Variants in CDYL observed in about 807,000 individuals in gnomAD.
CDYL encodes the protein chromodomain Y-like protein.
In CDYL, 8 loss-of-function variants were observed where a neutral mutation model predicts 47.3. The ratio of observed to expected loss-of-function variants is 0.17; its 90% confidence interval spans 0.10 to 0.31. The LOEUF is 0.31. Ranked by LOEUF, CDYL falls within the 10% of genes least tolerant of loss-of-function variation. The pLI is 1.00. For synonymous variants in CDYL, 266 were observed against 265.0 expected (o/e 1.00, Z -0.04); for missense variants, 471 against 701.4 (o/e 0.67, Z 3.71).
intron 2 of CDYL, among the ~76,000 whole-genome samples, chr6:4,916,560 A>G (rs1757561326): frequency 6.6e-6 from 1 of 152,110 alleles, no homozygotes; most frequent in African/African-American, 2.4e-5. Context: ...CTGAAAATTA[A>G]TTGAAAGGCC....
At chr6:4,836,915 G>C (rs151099842) in intron 1 of CDYL, among the ~76,000 whole-genome samples, 1 of 152,194 alleles carries the variant, frequency 6.6e-6, no homozygotes, top group East Asian at 1.9e-4. Context: ...AATTATGTGA[G>C]TGCCCTGGAA....
intron 2 of CDYL, among the ~76,000 whole-genome samples, chr6:4,932,772 G>GT (rs1477163775): frequency 2.0e-5 from 3 of 152,154 alleles, no homozygotes; most frequent in African/African-American, 7.2e-5. Flanking sequence ...ATTGTTTCTG[G>GT]TGTGGTCTCT....
intron 2 of CDYL, chr6:4,715,897 A>C (rs938837764): frequency 3.1e-6 from 5 of 1,611,184 alleles, no homozygotes; most frequent in Non-Finnish European, 4.2e-6. Flanking sequence ...AACTTGCAGG[A>C]ATCAAATTAG....
At chr6:4,836,428 T>C in intron 1 of CDYL, 1 of 232,858 alleles carries the variant, frequency 4.3e-6, no homozygotes, top group Non-Finnish European at 7.0e-6. Flanking sequence ...TTTATTTTTT[T>C]CCTTTCCCTT....
intron 1 of CDYL, among the ~76,000 whole-genome samples, chr6:4,786,645 C>A: frequency 6.6e-6 from 1 of 152,134 alleles, no homozygotes; most frequent in East Asian, 1.9e-4. Flanking sequence ...TCTCGAGTCT[C>A]GCTGTTTATT....
intron 2 of CDYL, among the ~76,000 whole-genome samples, chr6:4,933,262 C>T (rs2127518088): frequency 6.6e-6 from 1 of 152,092 alleles, no homozygotes. Context: ...CCCTGACTTC[C>T]CTCCCCTGAT....
At chr6:4,878,638 A>G (rs1761681057) in intron 1 of CDYL, among the ~76,000 whole-genome samples, 1 of 151,934 alleles carries the variant, frequency 6.6e-6, no homozygotes. Context: ...TTATTCTCTT[A>G]TATTTCGATA....
chr6:4,792,716 A>G (rs1376206844), intron 1 of CDYL, among the ~76,000 whole-genome samples: 1 of 152,112 alleles, frequency 6.6e-6, no homozygotes, highest in African/African-American at 2.4e-5. Flanking sequence ...GATTACAGGC[A>G]TGAGCCACCG....
chr6:4,789,135 G>C (rs1758847078), intron 1 of CDYL, among the ~76,000 whole-genome samples: 1 of 152,178 alleles, frequency 6.6e-6, no homozygotes, highest in African/African-American at 2.4e-5. Context: ...GAGTGCAGGG[G>C]CATGATCTCT....
intron 1 of CDYL, among the ~76,000 whole-genome samples, chr6:4,860,229 A>T (rs1396568381): frequency 6.6e-6 from 1 of 152,078 alleles, no homozygotes; most frequent in African/African-American, 2.4e-5. Context: ...GAACAAGTTT[A>T]TACTTCCAGC....
At position 4,953,963 on chromosome 6, in the gene CDYL, G is replaced by A. The variant is rs1431406167; in HGVS notation, c.1542G>A (p.Glu514=). The stretch of plus-strand genomic sequence containing the variant: ...AGATGGAGCTGGAGCAGGCCAACGA[G>A]AGGGAGTGTGAGGTGCTGAAGAAAA... ...NMKMELEQAN[E]RECEVLKKIW... is the part of the protein sequence containing the mutation. Residue 514 remains glutamate (E), a synonymous_variant, in exon 7 of 7, where the codon GAG becomes GAA. Transcript: ENST00000397588. 1.2e-6 allele frequency: 2 copies of A among 1,614,086 alleles called. No individual in the cohort carries two copies. Among genetic ancestry groups the A allele is most frequent in the Non-Finnish European group, 1.7e-6 (2 of 1,180,046 alleles).
chr6:4,865,445 A>G lies in CDYL; in HGVS notation c.25-26268A>G, dbSNP rs547581545. 2.3e-3 allele frequency among the ~76,000 whole-genome samples: 349 copies of G among 152,272 alleles called. 2 individuals carry two copies. Among genetic ancestry groups the G allele is most frequent in the Admixed American group, 4.8e-3 (74 of 15,306 alleles). The stretch of plus-strand genomic sequence containing the variant: ...TCCCTTTTCCAGGTTTATTCTCGCC[A>G]TTGCTCCATCTGTGAGTCACACCCT... On this transcript the variant is annotated intron_variant, in intron 1 of 6. Transcript: ENST00000397588.
intron 1 of CDYL, among the ~76,000 whole-genome samples, chr6:4,712,987 A>T (rs78827392): frequency 0.034 from 5,150 of 152,316 alleles, 114 homozygotes; most frequent in Middle Eastern, 0.078. Context: ...TCTACAAAAC[A>T]TACAAAAATT....
intron 1 of CDYL, among the ~76,000 whole-genome samples, chr6:4,840,406 T>G (rs920390416): frequency 6.6e-6 from 1 of 152,136 alleles, no homozygotes. Context: ...TTTCTTTCTT[T>G]TGTTTGATTG....
intron 1 of CDYL, among the ~76,000 whole-genome samples, chr6:4,803,733 ATTTTTTT>A (rs754188736): frequency 5.8e-5 from 7 of 119,984 alleles, no homozygotes; most frequent in Admixed American, 2.5e-4. Flanking sequence ...CACTTTCCTG[ATTTTTTT>A]TTTTTTTTTT....
At chr6:4,838,021 G>A (rs996480380) in intron 1 of CDYL, among the ~76,000 whole-genome samples, 2 of 151,346 alleles carry the variant, frequency 1.3e-5, no homozygotes, top group African/African-American at 2.4e-5. Context: ...CAAGCAATCC[G>A]CTTTCCTCAT....
At chr6:4,905,372 C>T (rs929563424) in intron 2 of CDYL, among the ~76,000 whole-genome samples, 3 of 152,176 alleles carry the variant, frequency 2.0e-5, no homozygotes, top group African/African-American at 4.8e-5. Flanking sequence ...CTGTGGGTGC[C>T]TGCCTCTCCT....
At chr6:4,736,964 G>A (rs1448903269) in intron 3 of CDYL, among the ~76,000 whole-genome samples, 1 of 152,116 alleles carries the variant, frequency 6.6e-6, no homozygotes, top group African/African-American at 2.4e-5. Flanking sequence ...TAAATAGTCT[G>A]TTACTGTGAC....
At position 4,842,084 on chromosome 6, in the gene CDYL, T is replaced by C. The variant is rs1203813499; in HGVS notation, c.25-49629T>C. 1.1e-4 allele frequency among the ~76,000 whole-genome samples: 16 copies of C among 143,488 alleles called. No homozygotes were observed. In the East Asian group the frequency reaches 2.8e-3, roughly 25 times the overall value. 94.1% of individuals were successfully genotyped at this position (143,488 alleles called of 152,430 possible). A position where few individuals can be genotyped will look rare whatever the true frequency, so the allele number is the denominator to read the frequency against. On this transcript the variant is annotated intron_variant, in intron 1 of 6. Coordinates refer to ENST00000397588, the MANE Select transcript of CDYL (RefSeq NM_004824.4). ...TCATATTTATTTATATATAATTATA[T>C]ATTATTTATATCATATATTTATATT...
Sources: gnomAD v4.1 joint callset for allele counts (sites outside exome capture counted in the v4.1 genomes callset) on GRCh38, gnomAD v4.1.1 for gene constraint, MANE v1.5 for transcripts, NCBI Gene and HGNC (gene_info 2026-07-23, HGNC 2026-07-21) for gene names.